CEP128: variants seen among roughly 807,000 people sequenced by gnomAD.
The protein encoded by CEP128 is centrosomal protein 128.
Under a neutral mutation model 156.7 loss-of-function variants are expected in CEP128, and 132 were observed. The observed-to-expected ratio is 0.84, with a 90% CI of 0.73 to 0.97. The LOEUF is 0.97. CEP128 is among the 50% of genes least tolerant of loss of function. The pLI is 0.00. For missense variants in CEP128, 1,252 were observed against 1,281.9 expected (o/e 0.98, Z 0.36); for synonymous variants, 469 against 448.9 (o/e 1.04, Z -0.57).
At chr14:80,698,920 G>A (rs1040480201) in intron 19 of CEP128, among the ~76,000 whole-genome samples, 2 of 152,032 alleles carry the variant, frequency 1.3e-5, no homozygotes, top group Non-Finnish European at 2.9e-5. Context: ...TAGATTACTA[G>A]AGTAGCAGTA....
intron 19 of CEP128, among the ~76,000 whole-genome samples, chr14:80,619,385 C>G (rs867208872): frequency 2.8e-5 from 4 of 145,384 alleles, no homozygotes; most frequent in South Asian, 2.2e-4. Context: ...CACACACACA[C>G]ACACACACAC....
At chr14:80,849,541 T>C (rs1376919878) in intron 9 of CEP128, among the ~76,000 whole-genome samples, 1 of 152,210 alleles carries the variant, frequency 6.6e-6, no homozygotes, top group African/African-American at 2.4e-5. Flanking sequence ...AATACTATCC[T>C]AATACTTGAC....
intron 19 of CEP128, among the ~76,000 whole-genome samples, chr14:80,608,687 T>C (rs1019727141): frequency 1.3e-5 from 2 of 152,208 alleles, no homozygotes; most frequent in African/African-American, 2.4e-5. Flanking sequence ...CATCTGTTTC[T>C]TCTGCCTGGA....
chr14:80,952,515 G>A (rs904697899), intron 2 of CEP128, among the ~76,000 whole-genome samples: 2 of 152,182 alleles, frequency 1.3e-5, no homozygotes. Context: ...TATAGGGAAA[G>A]TCTACAGCAC....
intron 19 of CEP128, among the ~76,000 whole-genome samples, chr14:80,652,796 C>G (rs543543632): frequency 3.2e-4 from 49 of 152,254 alleles, no homozygotes; most frequent in Admixed American, 3.3e-4. Flanking sequence ...CCTCAAGGAT[C>G]TAGAATTAGA....
chr14:80,737,273 A>G (rs1349638789), intron 19 of CEP128, among the ~76,000 whole-genome samples: 1 of 152,064 alleles, frequency 6.6e-6, no homozygotes, highest in Non-Finnish European at 1.5e-5. Flanking sequence ...GCGTGGTGGC[A>G]CACACCTGTA....
intron 4 of CEP128, 84 bp downstream of exon 4, chr14:80,914,238 C>T (rs1884416242): frequency 8.6e-6 from 8 of 925,480 alleles, no homozygotes; most frequent in Admixed American, 5.7e-5. Flanking sequence ...TGGTTTTTTC[C>T]TTTAGCTCAC....
At chr14:80,897,830 G>C (rs1305457264) in intron 7 of CEP128, among the ~76,000 whole-genome samples, 1 of 152,068 alleles carries the variant, frequency 6.6e-6, no homozygotes, top group Non-Finnish European at 1.5e-5. Context: ...CCAGGCAGGA[G>C]TGCAGTGGCT....
intron 23 of CEP128, among the ~76,000 whole-genome samples, chr14:80,513,764 A>G (rs958508084): frequency 6.6e-6 from 1 of 152,306 alleles, no homozygotes; most frequent in African/African-American, 2.4e-5. Context: ...TGACTCTGGC[A>G]TAACAGTACA....
intron 19 of CEP128, among the ~76,000 whole-genome samples, chr14:80,599,303 C>T (rs1328881764): frequency 2.6e-4 from 34 of 131,842 alleles, no homozygotes; most frequent in African/African-American, 8.7e-4. Context: ...GACGGAGTCT[C>T]GCTCTGTCAC....
At chr14:80,553,855 T>C (rs980466724) in intron 21 of CEP128, among the ~76,000 whole-genome samples, 7 of 152,196 alleles carry the variant, frequency 4.6e-5, no homozygotes, top group African/African-American at 1.7e-4. Context: ...GAACAGTATT[T>C]GCAAATATCA....
chr14:80,629,515 A>ATT (rs563182372), intron 19 of CEP128, among the ~76,000 whole-genome samples: 14 of 149,138 alleles, frequency 9.4e-5, no homozygotes, highest in African/African-American at 2.2e-4. Flanking sequence ...CCAGTAATAT[A>ATT]TTTTTTTTTT....
downstream of CEP128, among the ~76,000 whole-genome samples, chr14:80,486,899 C>T (rs997577426): frequency 1.6e-4 from 25 of 152,206 alleles, no homozygotes; most frequent in Admixed American, 5.9e-4. Flanking sequence ...AAGGAACAAC[C>T]GGTACCGGCC....
downstream of CEP128, among the ~76,000 whole-genome samples, chr14:80,489,145 AAG>A (rs1203389003): frequency 2.6e-5 from 4 of 151,880 alleles, no homozygotes; most frequent in African/African-American, 4.8e-5. Flanking sequence ...AATAAAAAAA[AAG>A]AGAGAGAGAA....
At chr14:80,829,871 A>G (rs2140037792) in intron 13 of CEP128, among the ~76,000 whole-genome samples, 1 of 152,312 alleles carries the variant, frequency 6.6e-6, no homozygotes, top group Admixed American at 6.5e-5. Flanking sequence ...AGGCTATTAC[A>G]AATAATTTTT....
intron 19 of CEP128, among the ~76,000 whole-genome samples, chr14:80,621,441 T>G (rs1053958161): frequency 6.6e-6 from 1 of 152,170 alleles, no homozygotes; most frequent in African/African-American, 2.4e-5. Context: ...AACAAAACAT[T>G]GTGTTCTTAT....
intron 19 of CEP128, among the ~76,000 whole-genome samples, chr14:80,724,747 A>G (rs188059069): frequency 2.1e-4 from 32 of 152,060 alleles, no homozygotes; most frequent in Middle Eastern, 6.8e-3. Context: ...TGAAATTTCA[A>G]TAAGATGTTT....
At chr14:80,681,550 G>T (rs1233296795) in intron 19 of CEP128, among the ~76,000 whole-genome samples, 1 of 152,186 alleles carries the variant, frequency 6.6e-6, no homozygotes, top group African/African-American at 2.4e-5. Flanking sequence ...CAGGTGGGAG[G>T]TAATTGAATC....
intron 2 of CEP128, among the ~76,000 whole-genome samples, chr14:80,956,775 A>G (rs1024114528): frequency 6.6e-6 from 1 of 152,210 alleles, no homozygotes; most frequent in African/African-American, 2.4e-5. Context: ...TTAGCTCATG[A>G]AGACTATTTA....
Sources: gnomAD v4.1 joint callset for allele counts (sites outside exome capture counted in the v4.1 genomes callset) on GRCh38, gnomAD v4.1.1 for gene constraint, MANE v1.5 for transcripts, NCBI Gene and HGNC (gene_info 2026-07-23, HGNC 2026-07-21) for gene names.